POU6F2: variants seen among roughly 807,000 people sequenced by gnomAD.
POU6F2 encodes the protein POU domain, class 6, transcription factor 2.
Under a neutral mutation model 71.3 loss-of-function variants are expected in POU6F2, and 31 were observed. The observed-to-expected ratio is 0.43, with a 90% CI of 0.33 to 0.59. The LOEUF (loss-of-function observed/expected upper bound fraction) is 0.59, where lower values mean the gene tolerates loss of function less well. Among genes scored for constraint, POU6F2 ranks in the 20% least tolerant of loss-of-function variants. POU6F2 has a pLI of 0.04. For missense variants in POU6F2, 783 were observed against 856.8 expected (o/e 0.91, Z 1.07); for synonymous variants, 347 against 355.7 (o/e 0.98, Z 0.27).
chr7:39,225,889 C>T (rs1255113669), intron 4 of POU6F2, among the ~76,000 whole-genome samples: 4 of 151,792 alleles, frequency 2.6e-5, no homozygotes, highest in Admixed American at 6.6e-5. Flanking sequence ...AAAACACACC[C>T]GCGTTTTTGG....
chr7:39,443,850 T>C (rs1788464918), intron 7 of POU6F2, among the ~76,000 whole-genome samples: 2 of 152,224 alleles, frequency 1.3e-5, no homozygotes, highest in East Asian at 1.9e-4. Context: ...GTTTCTCAAT[T>C]TATTTTTTCA....
chr7:39,234,772 A>G (rs924096929), intron 4 of POU6F2, among the ~76,000 whole-genome samples: 1 of 152,190 alleles, frequency 6.6e-6, no homozygotes, highest in Non-Finnish European at 1.5e-5. Flanking sequence ...TTTCTTGCCA[A>G]CACACTGGAT....
At chr7:39,221,384 CTT>C (rs33915153) in intron 4 of POU6F2, among the ~76,000 whole-genome samples, 70 of 86,330 alleles carry the variant, frequency 8.1e-4, no homozygotes, top group African/African-American at 9.6e-4. Context: ...CTCTCTCTCT[CTT>C]TTTTTTTTTT....
At chr7:39,424,745 A>G (rs1347199559) in intron 6 of POU6F2, among the ~76,000 whole-genome samples, 1 of 152,152 alleles carries the variant, frequency 6.6e-6, no homozygotes, top group African/African-American at 2.4e-5. Context: ...GGCAAATCTC[A>G]TAATTACAGT....
intron 2 of POU6F2, among the ~76,000 whole-genome samples, chr7:39,099,168 C>T (rs1791519190): frequency 6.6e-6 from 1 of 152,216 alleles, no homozygotes; most frequent in African/African-American, 2.4e-5. Context: ...AGGGCAGTTA[C>T]ACATCTCACT....
chr7:39,298,887 T>C (rs1784901162), intron 4 of POU6F2, among the ~76,000 whole-genome samples: 1 of 152,190 alleles, frequency 6.6e-6, no homozygotes, highest in African/African-American at 2.4e-5. Flanking sequence ...GCCAACATCC[T>C]CAGCAAACTA....
chr7:39,386,419 G>A (rs748476953), intron 5 of POU6F2, among the ~76,000 whole-genome samples: 4 of 152,166 alleles, frequency 2.6e-5, no homozygotes, highest in Admixed American at 6.5e-5. Flanking sequence ...GAGCTCCACC[G>A]TTCTATTATA....
intron 7 of POU6F2, among the ~76,000 whole-genome samples, chr7:39,445,779 C>G (rs565632258): frequency 6.6e-6 from 1 of 152,302 alleles, no homozygotes; most frequent in South Asian, 2.1e-4. Context: ...CAGTAAGGCT[C>G]AGGCATTCAT....
chr7:39,265,129 T>A (rs1292906105), intron 4 of POU6F2, among the ~76,000 whole-genome samples: 1 of 152,174 alleles, frequency 6.6e-6, no homozygotes, highest in Non-Finnish European at 1.5e-5. Flanking sequence ...ATAGAAAATA[T>A]AAAGATACTC....
intron 5 of POU6F2, among the ~76,000 whole-genome samples, chr7:39,395,644 AAAC>A (rs1382882814): frequency 2.0e-5 from 3 of 152,192 alleles, no homozygotes; most frequent in Non-Finnish European, 2.9e-5. Flanking sequence ...AATATCTGAT[AAAC>A]AACACTGTGT....
intron 1 of POU6F2, chr7:39,013,568 T>C (rs1051565464): frequency 6.6e-6 from 1 of 152,324 alleles, no homozygotes; most frequent in Admixed American, 6.5e-5. Context: ...AGGTACTTTT[T>C]AAAAATGGGG....
intron 2 of POU6F2, among the ~76,000 whole-genome samples, chr7:39,103,264 A>T (rs1207607619): frequency 6.6e-6 from 1 of 152,236 alleles, no homozygotes; most frequent in Non-Finnish European, 1.5e-5. Flanking sequence ...AGCTAGAGGG[A>T]TGAATAATGA....
intron 5 of POU6F2, among the ~76,000 whole-genome samples, chr7:39,344,037 T>C (rs566579894): frequency 2.4e-4 from 36 of 152,092 alleles, no homozygotes; most frequent in Non-Finnish European, 4.7e-4. Context: ...CCTCAGAGAG[T>C]CACTGCTATA....
chr7:39,161,398 G>A (rs373202591), intron 2 of POU6F2, among the ~76,000 whole-genome samples: 1 of 152,282 alleles, frequency 6.6e-6, no homozygotes, highest in Admixed American at 6.5e-5. Context: ...TCTCATTTCT[G>A]CAAAGGTCAG....
rs1787072921 is a variant in POU6F2, at chr7:39,391,391, G to A, written c.973-15209G>A. Among the ~76,000 whole-genome samples the A allele has an allele frequency of 2.0e-5, 3 of 151,330 alleles. No individual in the cohort carries two copies. In the South Asian group the frequency reaches 6.3e-4, roughly 32 times the overall value. ...TCCTTTTTTTTACACTGAGCCATTT[G>A]CTTTATTTTTCCTTTAAGTATGGCA... On this transcript the variant is annotated intron_variant, in intron 5 of 9. Transcript: ENST00000518318.
intron 2 of POU6F2, among the ~76,000 whole-genome samples, chr7:39,161,835 A>T (rs1281394623): frequency 1.3e-5 from 2 of 152,208 alleles, no homozygotes; most frequent in Non-Finnish European, 2.9e-5. Flanking sequence ...CTGTTTAAGT[A>T]CATTTTGCCA....
chr7:39,338,999 G>T (rs1016213652), intron 4 of POU6F2, among the ~76,000 whole-genome samples: 2 of 151,664 alleles, frequency 1.3e-5, no homozygotes, highest in Non-Finnish European at 2.9e-5. Flanking sequence ...TAGGGGTTCT[G>T]TCTCTTTAAT....
chr7:39,459,903 G>A (rs556091028), intron 8 of POU6F2, among the ~76,000 whole-genome samples: 1 of 152,220 alleles, frequency 6.6e-6, no homozygotes, highest in African/African-American at 2.4e-5. Context: ...TTTTTATTAT[G>A]TGCCCTTTCA....
At position 39,263,931 on chromosome 7, in the gene POU6F2, G is replaced by A. The variant is rs145895172; in HGVS notation, c.598+56311G>A. ...GCTGATAGAATAAAGATGTGTGCAT[G>A]GCCATTTCCTGTCCTGAATTCTCTC... is the stretch of plus-strand genomic sequence containing the variant. On this transcript the variant is annotated intron_variant, in intron 4 of 9. Coordinates refer to ENST00000518318, the MANE Select transcript of POU6F2 (RefSeq NM_001370959.1). Among the ~76,000 whole-genome samples, 10 of 152,302 alleles carry A rather than the reference G, an allele frequency of 6.6e-5. No individual in the cohort carries two copies. In the East Asian group the frequency reaches 1.9e-3, roughly 29 times the overall value.
Sources: gnomAD v4.1 joint callset for allele counts (sites outside exome capture counted in the v4.1 genomes callset) on GRCh38, gnomAD v4.1.1 for gene constraint, MANE v1.5 for transcripts, NCBI Gene and HGNC (gene_info 2026-07-23, HGNC 2026-07-21) for gene names.